OR11A1: variants seen among roughly 807,000 people sequenced by gnomAD.
OR11A1 encodes the protein olfactory receptor 11A1.
For missense variants in OR11A1, 380 were observed against 378.2 expected (o/e 1.00, Z -0.04); for synonymous variants, 158 against 152.2 (o/e 1.04, Z -0.28).
chr6:29,448,605 G>T (rs140143398), intron 1 of OR11A1, among the ~76,000 whole-genome samples: 174 of 152,264 alleles, frequency 1.1e-3, no homozygotes, highest in African/African-American at 4.0e-3. Flanking sequence ...GTCGGCAAAA[G>T]CCCCATTTTC....
At chr6:29,432,008 G>A in intron 1 of OR11A1, 21 bp from the exon 2 acceptor site, 1 of 985,220 alleles carries the variant, frequency 1.0e-6, no homozygotes, top group Non-Finnish European at 1.2e-6. Context: ...GTAGAACATT[G>A]ATTACAAATG....
rs1783260974 is a variant in OR11A1, at chr6:29,431,981, GCTCAAC to G, written c.-388_-383del. The G allele has an allele frequency of 1.0e-6, 1 of 985,250 alleles. No individual in the cohort carries two copies. Among genetic ancestry groups the G allele is most frequent in the Non-Finnish European group, 1.2e-6 (1 of 829,936 alleles). 61.0% of individuals were successfully genotyped at this position (985,250 alleles called of 1,614,324 possible). The stretch of plus-strand genomic sequence containing the variant: ...TACCTTCAGCTCCCTCCCTGCTTGA[GCTCAAC>G]CTGAAGTAACGTAGAACATTGATTA... On this transcript the variant is annotated splice_region_variant and 5_prime_UTR_variant, in exon 2 of 5. Coordinates refer to ENST00000377149, the MANE Select transcript of OR11A1 (RefSeq NM_001394828.1).
rs771568886 is a variant in OR11A1 at position 29,440,468 on chromosome 6, G to A, written c.-388-8481C>T. ...TAGCTGGGTCGGCGTGGGCCTGTGG[G>A]GTGCTGGTGGGGCTGGGCCACACCC... On this transcript the variant is annotated intron_variant, in intron 1 of 4. Transcript: ENST00000377149. 1.9e-5 allele frequency: 30 copies of A among 1,613,860 alleles called. No homozygotes were observed. In the South Asian group the frequency reaches 3.2e-4, roughly 17 times the overall value.
chr6:29,441,051 GAGGGCC>G, intron 1 of OR11A1: 1 of 795,616 alleles, frequency 1.3e-6, no homozygotes, highest in African/African-American at 1.7e-5. Flanking sequence ...CACATTAGGG[GAGGGCC>G]AGCCTGTCAG....
intron 4 of OR11A1, among the ~76,000 whole-genome samples, 157 bp downstream of exon 4, chr6:29,428,756 C>CAAAAAAAAAAAAAAAAAAAAAA: frequency 2.1e-5 from 1 of 47,874 alleles, no homozygotes; most frequent in Non-Finnish European, 3.6e-5. Flanking sequence ...AACTCCATCT[C>CAAAAAAAAAAAAAAAAAAAAAA]AAAAAAAAAA....
intron 1 of OR11A1, chr6:29,450,638 C>T (rs1292888899): frequency 1.3e-5 from 2 of 152,006 alleles, no homozygotes; most frequent in Non-Finnish European, 2.9e-5. Context: ...CCTAGGAAAG[C>T]AGCTAGACAG....
intron 1 of OR11A1, chr6:29,440,868 A>T: frequency 6.2e-7 from 1 of 1,613,836 alleles, no homozygotes; most frequent in Non-Finnish European, 8.5e-7. Context: ...CCCCATCCTC[A>T]ACCCCATCAT....
At chr6:29,437,735 ACAT>A (rs1783749632) in intron 1 of OR11A1, among the ~76,000 whole-genome samples, 1 of 152,202 alleles carries the variant, frequency 6.6e-6, no homozygotes, top group African/African-American at 2.4e-5. Context: ...CAATAATACT[ACAT>A]AGGTTACACT....
At chr6:29,449,943 AC>A (rs986982463) in intron 1 of OR11A1, among the ~76,000 whole-genome samples, 24 of 152,116 alleles carry the variant, frequency 1.6e-4, no homozygotes, top group African/African-American at 5.3e-4. Flanking sequence ...GGCCCAAATG[AC>A]CATCTTTCTT....
intron 1 of OR11A1, among the ~76,000 whole-genome samples, chr6:29,437,598 T>C (rs1008608755): frequency 2.1e-5 from 3 of 145,096 alleles, no homozygotes; most frequent in Non-Finnish European, 4.5e-5. Flanking sequence ...AACGATGTCA[T>C]CTCCCATCTT....
chr6:29,426,448 A>G lies in OR11A1; in HGVS notation c.*246T>C. ...GAGTACTAGGCTTAATACCTGGGTG[A>G]TGAAATAATCTGTACAGTAAACCCC... is the stretch of plus-strand genomic sequence containing the variant. On this transcript the variant is annotated 3_prime_UTR_variant, in exon 5 of 5. Transcript: ENST00000377149. 1 of 479,642 alleles carries G rather than the reference A, an allele frequency of 2.1e-6. No individual in the cohort carries two copies. Among genetic ancestry groups the G allele is most frequent in the Admixed American group, 3.5e-5 (1 of 28,712 alleles). 29.7% of individuals were successfully genotyped at this position (479,642 alleles called of 1,614,324 possible).
chr6:29,442,014 G>A (rs1354549450), intron 1 of OR11A1, among the ~76,000 whole-genome samples: 2 of 152,160 alleles, frequency 1.3e-5, no homozygotes, highest in Non-Finnish European at 2.9e-5. Flanking sequence ...TTGGGTTTTT[G>A]TGAGGATTTG....
rs781707765 is a variant in OR11A1, at chr6:29,427,606, A to G, written c.36T>C (p.Thr12=). 2.5e-6 allele frequency: 4 copies of G among 1,611,494 alleles called. No homozygotes were observed. The highest frequency in any genetic ancestry group is 3.4e-6 in the Non-Finnish European group (4 of 1,178,962). The change falls in exon 5 of 5, where the codon ACT becomes ACC. Residue 12 remains threonine (T), a synonymous_variant. Transcript: ENST00000377149. The stretch of plus-strand genomic sequence containing the variant: ...CATAGAAGCCAAGGAGGACAAATTC[A>G]GTAATAGTTTCGTTTCCTGTGGAGA... ...EIVSTGNETI[T]EFVLLGFYDI...
At chr6:29,434,705 T>C (rs1183034558) in intron 1 of OR11A1, among the ~76,000 whole-genome samples, 1 of 152,252 alleles carries the variant, frequency 6.6e-6, no homozygotes, top group Non-Finnish European at 1.5e-5. Context: ...TTTTATGGAC[T>C]TTTTAAGGTC....
chr6:29,446,877 A>G (rs749574815), intron 1 of OR11A1, among the ~76,000 whole-genome samples: 1 of 152,202 alleles, frequency 6.6e-6, no homozygotes, highest in Non-Finnish European at 1.5e-5. Flanking sequence ...GGTCTGCATA[A>G]TAAGATCCAT....
In OR11A1 at chr6:29,426,645, C is replaced by T. The variant is rs2151357863; in HGVS notation, c.*49G>A. On this transcript the variant is annotated 3_prime_UTR_variant, in exon 5 of 5. Coordinates refer to ENST00000377149, the MANE Select transcript of OR11A1 (RefSeq NM_001394828.1). ...CCTCTCCAACCCATCCTGGAAGAGTCCCCAGTGGAGGTGTCCGAAGTCCAA... is the reference window on the plus strand; with the variant it reads ...CCTCTCCAACCCATCCTGGAAGAGTTCCCAGTGGAGGTGTCCGAAGTCCAA... 2 of 1,446,224 alleles carry T rather than the reference C, an allele frequency of 1.4e-6. No homozygotes were observed. Among genetic ancestry groups the T allele is most frequent in the Non-Finnish European group, 1.9e-6 (2 of 1,056,270 alleles). The allele number at this position is 1,446,224 out of a possible 1,614,324, so 89.6% of individuals were successfully genotyped here.
chr6:29,439,906 G>T (rs940372838), intron 1 of OR11A1: 1 of 776,858 alleles, frequency 1.3e-6, no homozygotes, highest in Admixed American at 2.6e-5. Flanking sequence ...GGGAGATCTA[G>T]TGCTGCGATC....
intron 1 of OR11A1, among the ~76,000 whole-genome samples, chr6:29,447,962 C>T (rs1031176826): frequency 2.7e-5 from 4 of 150,134 alleles, no homozygotes; most frequent in Admixed American, 2.0e-4. Flanking sequence ...GTCTATAGCA[C>T]TCTACTGGTC....
At chr6:29,454,213 G>A (rs768847033) in intron 1 of OR11A1, among the ~76,000 whole-genome samples, 1 of 152,122 alleles carries the variant, frequency 6.6e-6, no homozygotes, top group Non-Finnish European at 1.5e-5. Context: ...GTTGAATTTA[G>A]CAAACAGAGA....
Sources: allele counts gnomAD v4.1 joint callset (sites outside exome capture counted in the v4.1 genomes callset), GRCh38; gene constraint gnomAD v4.1.1; transcripts MANE v1.5; gene names NCBI Gene and HGNC (gene_info 2026-07-23, HGNC 2026-07-21).